The following GLS variants were observed in gnomAD, a reference collection of about 807,000 sequenced individuals.
GLS encodes glutaminase kidney isoform, mitochondrial.
Under a neutral mutation model 86.7 loss-of-function variants are expected in GLS, and 36 were observed. The ratio of observed to expected loss-of-function variants is 0.42; its 90% CI spans 0.32 to 0.55. GLS has a LOEUF of 0.55. Among genes scored for constraint, GLS ranks in the 20% least tolerant of loss-of-function variants. GLS has a pLI of 0.17. For synonymous variants in GLS, 317 were observed against 305.9 expected (o/e 1.04, Z -0.38); for missense variants, 528 against 833.4 (o/e 0.63, Z 4.51).
chr2:190,963,145 C>T lies in GLS; in HGVS notation c.*159C>T. ...ATTGTGCACACAGGACAAATCTGATCTCTTTGGGAAAAAATAGAAATAAAA... is the reference window on the plus strand; with the variant it reads ...ATTGTGCACACAGGACAAATCTGATTTCTTTGGGAAAAAATAGAAATAAAA... On this transcript the variant is annotated 3_prime_UTR_variant, in exon 18 of 18. Transcript: ENST00000320717. The T allele has an allele frequency of 2.0e-6, 1 of 504,872 alleles. No individual in the cohort carries two copies. The highest frequency in any genetic ancestry group is 3.5e-6 in the Non-Finnish European group (1 of 289,342). The allele number at this position is 504,872 out of a possible 1,614,324, so 31.3% of individuals were successfully genotyped here.
At chr2:190,893,829 C>G (rs973058342) in intron 1 of GLS, among the ~76,000 whole-genome samples, 37 of 152,338 alleles carry the variant, frequency 2.4e-4, no homozygotes, top group African/African-American at 8.9e-4. Context: ...AAGTGATCCT[C>G]CTGCCTCAGC....
At chr2:190,932,907 A>C in intron 14 of GLS, 1 of 1,408,652 alleles carries the variant, frequency 7.1e-7, no homozygotes, top group Non-Finnish European at 9.3e-7. Flanking sequence ...TTAATCTTTC[A>C]AACATCTTTA....
chr2:190,932,893 T>C (rs774742659), intron 14 of GLS: 2 of 1,434,086 alleles, frequency 1.4e-6, no homozygotes, highest in East Asian at 2.6e-5. Flanking sequence ...GAATGTTTCT[T>C]CATTTAATCT....
chr2:190,905,270 CAT>C lies in GLS; in HGVS notation c.979+104_979+105del. On this transcript the variant is annotated intron_variant, in intron 6 of 17. Coordinates refer to ENST00000320717, the MANE Select transcript of GLS (RefSeq NM_014905.5). This position sits in a 1 kb window ranked among gnomAD's most constrained non-coding sequence, Gnocchi z 4.6. ...TTTGATTAAAATTAAAAGTATTTGT[CAT>C]GTGATTTCTATATAATCCATTGAGA... 1.4e-6 allele frequency: 1 copy of C among 700,378 alleles called. No homozygotes were observed. 43.4% of individuals were successfully genotyped at this position (700,378 alleles called of 1,614,324 possible). A position where few individuals can be genotyped will look rare whatever the true frequency, so the allele number is the denominator to read the frequency against.
At chr2:190,957,442 A>G (rs371155388) in intron 17 of GLS, among the ~76,000 whole-genome samples, 3 of 152,236 alleles carry the variant, frequency 2.0e-5, no homozygotes, top group Non-Finnish European at 2.9e-5. Context: ...TGCCAATACT[A>G]TGTTGAATAG....
chr2:190,908,925 A>G (rs188814696), intron 6 of GLS, among the ~76,000 whole-genome samples: 71 of 152,344 alleles, frequency 4.7e-4, no homozygotes, highest in Admixed American at 2.3e-3. Flanking sequence ...ACTCACATTT[A>G]TGTGATACCA....
intron 3 of GLS, chr2:190,896,527 A>G (rs887335706): frequency 6.6e-6 from 1 of 152,172 alleles, no homozygotes; most frequent in Non-Finnish European, 1.5e-5. Context: ...CTACTTTGAA[A>G]GTTTGTTATG....
chr2:190,959,243 C>CTT lies in GLS; in HGVS notation c.1854-3573_1854-3572dup, dbSNP rs56693446. On this transcript the variant is annotated intron_variant, in intron 17 of 17. Coordinates refer to ENST00000320717, the MANE Select transcript of GLS (RefSeq NM_014905.5). Reference sequence around the variant, plus strand: ...TCAGAGACTAGCATTGCAACCCCTGCTTTTTTTTTTTTTTTGCTTTCCATT... The same window carrying CTT: ...TCAGAGACTAGCATTGCAACCCCTGCTTTTTTTTTTTTTTTTTGCTTTCCATT... Among the ~76,000 whole-genome samples, 879 of 135,640 alleles carry CTT rather than the reference C, an allele frequency of 6.5e-3. 16 individuals are homozygous for CTT. The highest frequency in any genetic ancestry group is 0.022 in the African/African-American group (827 of 37,218). The allele number at this position is 135,640 out of a possible 152,430, so 89.0% of individuals were successfully genotyped here. A position where few individuals can be genotyped will look rare whatever the true frequency, so the allele number is the denominator to read the frequency against.
rs1232434776 is a variant in GLS, at chr2:190,963,625, T to C, written c.*639T>C. ...GTATGTGTGAATGTAGTTATAATGC[T>C]TTTGAAAAATTTTCCTTTTTCTATA... On this transcript the variant is annotated 3_prime_UTR_variant, in exon 18 of 18. Transcript: ENST00000320717. The C allele has an allele frequency of 6.5e-6, 1 of 152,674 alleles. No homozygotes were observed. The highest frequency in any genetic ancestry group is 2.4e-5 in the African/African-American group (1 of 41,460). The allele number at this position is 152,674 out of a possible 1,614,324, so 9.5% of individuals were successfully genotyped here. A position where few individuals can be genotyped will look rare whatever the true frequency, so the allele number is the denominator to read the frequency against.
intron 1 of GLS, among the ~76,000 whole-genome samples, chr2:190,886,506 A>G (rs1688382125): frequency 6.6e-6 from 1 of 152,078 alleles, no homozygotes; most frequent in Non-Finnish European, 1.5e-5. Context: ...TTATGAGGCA[A>G]TATGTAGGCC....
chr2:190,918,983 A>T lies in GLS; in HGVS notation c.1039-2041A>T, dbSNP rs578156846. ...CCCCAAAACAAGTGTAATAGAGCAA[A>T]AATGACTGATCACAGATCCCCATAA... On this transcript the variant is annotated intron_variant, in intron 7 of 17. Coordinates refer to ENST00000320717, the MANE Select transcript of GLS (RefSeq NM_014905.5). Among the ~76,000 whole-genome samples the T allele has an allele frequency of 2.0e-5, 3 of 152,238 alleles. No individual in the cohort carries two copies. The South Asian group carries it at 6.2e-4, about 32-fold the overall frequency.
intron 1 of GLS, among the ~76,000 whole-genome samples, chr2:190,892,919 A>AT (rs534648500): frequency 2.0e-5 from 3 of 151,740 alleles, no homozygotes; most frequent in Non-Finnish European, 2.9e-5. Context: ...GGTCATTTTA[A>AT]TTTTTTTTCA....
chr2:190,886,222 A>G (rs991727064), intron 1 of GLS, among the ~76,000 whole-genome samples: 1 of 152,206 alleles, frequency 6.6e-6, no homozygotes, highest in African/African-American at 2.4e-5. Flanking sequence ...ACTATATGTC[A>G]TAACATTTTT....
chr2:190,944,280 T>C (rs558926973), intron 14 of GLS, among the ~76,000 whole-genome samples: 14 of 152,254 alleles, frequency 9.2e-5, no homozygotes, highest in African/African-American at 2.6e-4. Context: ...TCTTTGACTT[T>C]TGGGTTTTAT....
chr2:190,930,575 A>AT lies in GLS; in HGVS notation c.1557+8dup, dbSNP rs1690076127. ...GGGAATTCACTTTTGTCACGTAAGC[A>AT]TATTTTCTTAATGTAAATAATGGTG... On this transcript the variant is annotated splice_region_variant and intron_variant, in intron 13 of 17. Coordinates refer to ENST00000320717, the MANE Select transcript of GLS (RefSeq NM_014905.5). This position sits in a 1 kb window ranked among gnomAD's most constrained non-coding sequence, Gnocchi z 5.0. 2 of 1,601,048 alleles carry AT rather than the reference A, an allele frequency of 1.2e-6. No individual in the cohort carries two copies. Among genetic ancestry groups the AT allele is most frequent in the Admixed American group, 1.8e-5 (1 of 56,994 alleles).
chr2:190,881,945 C>G (rs1574551828), intron 1 of GLS: 1 of 153,300 alleles, frequency 6.5e-6, no homozygotes, highest in Non-Finnish European at 1.5e-5. Flanking sequence ...TGGCTCGTTT[C>G]CGCTCTGCCT....
intron 1 of GLS, among the ~76,000 whole-genome samples, chr2:190,894,071 G>T (rs1351364292): frequency 6.6e-6 from 1 of 152,150 alleles, no homozygotes; most frequent in Non-Finnish European, 1.5e-5. Context: ...AGTTAATTAA[G>T]ATTTTTAATG....
chr2:190,916,273 C>T (rs561835674), intron 7 of GLS, among the ~76,000 whole-genome samples: 4 of 152,184 alleles, frequency 2.6e-5, no homozygotes, highest in East Asian at 1.9e-4. Context: ...ACAAAATACA[C>T]GAGTATGACC....
intron 1 of GLS, among the ~76,000 whole-genome samples, chr2:190,887,095 CTG>C (rs1466568802): frequency 3.9e-5 from 6 of 152,122 alleles, no homozygotes; most frequent in Admixed American, 3.9e-4. Flanking sequence ...AGTTGCCTGT[CTG>C]TGCCTTTTCA....
Sources: allele counts gnomAD v4.1 joint callset (sites outside exome capture counted in the v4.1 genomes callset), GRCh38; gene constraint gnomAD v4.1.1; non-coding constraint Gnocchi (gnomAD v3.1); transcripts MANE v1.5; gene names NCBI Gene and HGNC (gene_info 2026-07-23, HGNC 2026-07-21).